The following CFAP45 variants were observed in gnomAD, a reference collection of about 807,000 sequenced individuals.
The protein encoded by CFAP45 is cilia and flagella associated protein 45.
In CFAP45, 43 loss-of-function variants were observed where a neutral mutation model predicts 75.6. The observed-to-expected ratio is 0.57, with a 90% confidence interval of 0.45 to 0.73. The LOEUF is 0.73. CFAP45 is among the 30% of genes least tolerant of loss of function. CFAP45 has a pLI of 0.00. For synonymous variants in CFAP45, 223 were observed against 244.6 expected (o/e 0.91, Z 0.82); for missense variants, 689 against 701.5 (o/e 0.98, Z 0.20).
intron 8 of CFAP45, 36 bp downstream of exon 8, chr1:159,880,518 A>G: frequency 6.3e-7 from 1 of 1,599,452 alleles, no homozygotes; most frequent in Non-Finnish European, 8.5e-7. Context: ...CAGACATTCC[A>G]TTCCTAACCA....
At position 159,872,498 on chromosome 1, in the gene CFAP45, G is replaced by T. The variant is rs1313378938; in HGVS notation, c.1643C>A (p.Thr548Asn). ...CGAAGGCTCCCCTCAGTTCACAGAG[G>T]TAGCTGGCAGGATGTTAGCTTTGCG... ...AERKANILPA[T>N]SVN The change falls in exon 12 of 12, where the codon ACC becomes AAC. Residue 548 changes from threonine to asparagine, a missense_variant. Physicochemically the swap from Thr to Asn is moderately conservative, Grantham distance 65. Transcript: ENST00000368099. 2 of 1,614,144 alleles carry T rather than the reference G, an allele frequency of 1.2e-6. No homozygotes were observed. The highest frequency in any genetic ancestry group is 1.7e-6 in the Non-Finnish European group (2 of 1,179,962).
chr1:159,891,592 G>T (rs1649832471), intron 2 of CFAP45, among the ~76,000 whole-genome samples: 1 of 152,168 alleles, frequency 6.6e-6, no homozygotes, highest in Non-Finnish European at 1.5e-5. Flanking sequence ...ACCTGTTTCA[G>T]AAAATGTCTA....
rs1222832459 is a variant in CFAP45, at chr1:159,876,464, G to C, written c.1352+92C>G. 4 of 933,132 alleles carry C rather than the reference G, an allele frequency of 4.3e-6. No individual in the cohort carries two copies. In the African/African-American group the frequency reaches 6.6e-5, roughly 15 times the overall value. The allele number at this position is 933,132 out of a possible 1,614,324, so 57.8% of individuals were successfully genotyped here. A position where few individuals can be genotyped will look rare whatever the true frequency, so the allele number is the denominator to read the frequency against. On this transcript the variant is annotated intron_variant, in intron 10 of 11. Coordinates refer to ENST00000368099, the MANE Select transcript of CFAP45 (RefSeq NM_012337.3). ...ACCCAGACAAGATCGACGAGCATCT[G>C]TTAACATGCCAGAAAGCTTCTCTCT...
intron 7 of CFAP45, among the ~76,000 whole-genome samples, chr1:159,882,065 G>A (rs1214526245): frequency 6.6e-6 from 1 of 152,202 alleles, no homozygotes; most frequent in Non-Finnish European, 1.5e-5. Flanking sequence ...TCACTGCCCA[G>A]TTCAAGGCTT....
At chr1:159,880,778 G>A in intron 7 of CFAP45, 78 bp from the exon 8 acceptor site, 2 of 1,401,932 alleles carry the variant, frequency 1.4e-6, no homozygotes, top group Non-Finnish European at 2.0e-6. Flanking sequence ...ATAGAGAGAT[G>A]CAGACAGAGG....
At chr1:159,887,644 C>T (rs1328063049) in intron 5 of CFAP45, among the ~76,000 whole-genome samples, 197 bp downstream of exon 5, 1 of 152,206 alleles carries the variant, frequency 6.6e-6, no homozygotes, top group African/African-American at 2.4e-5. Flanking sequence ...AGTGACTTGC[C>T]CATGGTCACA....
Position 159,876,576 on chromosome 1 carries a change from A to ATCCCGG in CFAP45, c.1326_1331dup (p.Arg443_Asp444dup), listed in dbSNP as rs775574636. ...CCTACCGAAGAATCCTCTCGAACTC[A>ATCCCGG]TCCCGGTCCCGTTGCACCTGAACAG... On this transcript the variant is annotated inframe_insertion, in exon 10 of 12. Transcript: ENST00000368099. 1 of 1,614,012 alleles carries ATCCCGG rather than the reference A, an allele frequency of 6.2e-7. No homozygotes were observed. The highest frequency in any genetic ancestry group is 2.2e-5 in the East Asian group (1 of 44,886).
chr1:159,879,263 C>T (rs779555252), intron 8 of CFAP45, among the ~76,000 whole-genome samples: 2 of 152,176 alleles, frequency 1.3e-5, no homozygotes, highest in Admixed American at 1.3e-4. Context: ...ATATCCACTA[C>T]CAACCCTCTG....
chr1:159,897,677 G>A (rs1649983874), intron 1 of CFAP45, among the ~76,000 whole-genome samples: 2 of 152,032 alleles, frequency 1.3e-5, no homozygotes, highest in Admixed American at 1.3e-4. Context: ...TCAAAAAAAT[G>A]TTTAACAGTA....
intron 7 of CFAP45, among the ~76,000 whole-genome samples, chr1:159,883,154 G>A (rs947917497): frequency 1.3e-5 from 2 of 152,200 alleles, no homozygotes; most frequent in African/African-American, 4.8e-5. Context: ...GGAGAGAATC[G>A]TAAAAGAATA....
Position 159,887,936 on chromosome 1 carries a change from G to C in CFAP45, c.493C>G (p.Leu165Val), listed in dbSNP as rs1235075660. ...GCCCGTTCCTTGGCCACCTCCTCCAGGTCACTGAGCTTCTTGTTGTTGTTC... is the reference window on the plus strand; with the variant it reads ...GCCCGTTCCTTGGCCACCTCCTCCACGTCACTGAGCTTCTTGTTGTTGTTC... The part of the protein sequence containing the change: ...VWNNNKKLSD[L>V]EEVAKERAQN... Residue 165 changes from leucine (L) to valine (V), a missense_variant, in exon 5 of 12, where the codon CTG (leucine) becomes GTG (valine). By Grantham distance (32) the Leu-to-Val change is conservative. Coordinates refer to ENST00000368099, the MANE Select transcript of CFAP45 (RefSeq NM_012337.3). 6.2e-7 allele frequency: 1 copy of C among 1,614,226 alleles called. No individual in the cohort carries two copies. The highest frequency in any genetic ancestry group is 1.7e-5 in the Admixed American group (1 of 60,034).
intron 1 of CFAP45, among the ~76,000 whole-genome samples, chr1:159,895,125 C>T (rs891307725): frequency 6.6e-6 from 1 of 152,194 alleles, no homozygotes; most frequent in Admixed American, 6.5e-5. Context: ...CGAACACAAC[C>T]TCCATTCCCA....
At position 159,890,461 on chromosome 1, in the gene CFAP45, C is replaced by T. The variant is rs772198913; in HGVS notation, c.272+19G>A. On this transcript the variant is annotated intron_variant, in intron 3 of 11. Transcript: ENST00000368099. The stretch of plus-strand genomic sequence containing the variant: ...AGGATGAGGACTGGACATAGAAGGG[C>T]AGGGGACGGTGTACTCACATGAGTT... 3.7e-6 allele frequency: 6 copies of T among 1,613,222 alleles called. No individual in the cohort carries two copies. In the African/African-American group the frequency reaches 8.0e-5, roughly 22 times the overall value.
chr1:159,899,991 C>G (rs746067692), intron 1 of CFAP45, 105 bp downstream of exon 1: 1 of 1,317,354 alleles, frequency 7.6e-7, no homozygotes, highest in South Asian at 1.3e-5. Context: ...CTGGGCCCTC[C>G]TGACCCCTAG....
intron 10 of CFAP45, among the ~76,000 whole-genome samples, chr1:159,876,044 G>GT (rs765908573): frequency 3.9e-5 from 6 of 152,358 alleles, no homozygotes; most frequent in South Asian, 4.1e-4. Flanking sequence ...GCAGTGTTTT[G>GT]TTAATTGCTA....
At chr1:159,886,272 G>A (rs1224180727) in intron 6 of CFAP45, among the ~76,000 whole-genome samples, 1 of 151,954 alleles carries the variant, frequency 6.6e-6, no homozygotes, top group Non-Finnish European at 1.5e-5. Flanking sequence ...CCCGGGAGGT[G>A]GAGGTTACAG....
At chr1:159,885,530 A>G (rs1649657385) in intron 6 of CFAP45, among the ~76,000 whole-genome samples, 1 of 152,230 alleles carries the variant, frequency 6.6e-6, no homozygotes, top group Non-Finnish European at 1.5e-5. Context: ...TTCTAAATCT[A>G]GGACACTATT....
intron 1 of CFAP45, among the ~76,000 whole-genome samples, chr1:159,896,167 G>A (rs1410605444): frequency 6.6e-6 from 1 of 152,204 alleles, no homozygotes; most frequent in Non-Finnish European, 1.5e-5. Flanking sequence ...ACTCCAACAG[G>A]TTTTCCCTTG....
intron 8 of CFAP45, among the ~76,000 whole-genome samples, chr1:159,879,029 G>A (rs182360389): frequency 1.3e-5 from 2 of 152,226 alleles, no homozygotes; most frequent in Admixed American, 1.3e-4. Context: ...ACTTACGGTG[G>A]ACTGTGGACA....
Sources: allele counts gnomAD v4.1 joint callset (sites outside exome capture counted in the v4.1 genomes callset), GRCh38; gene constraint gnomAD v4.1.1; transcripts MANE v1.5; gene names NCBI Gene and HGNC (gene_info 2026-07-23, HGNC 2026-07-21).